OXR1: variants seen among roughly 807,000 people sequenced by gnomAD.
OXR1 encodes oxidation resistance protein 1.
Under a neutral mutation model 104.6 loss-of-function variants are expected in OXR1, and 41 were observed. The ratio of observed to expected loss-of-function variants is 0.39; its 90% CI spans 0.31 to 0.51. The LOEUF is 0.51. Among genes scored for constraint, OXR1 ranks in the 20% least tolerant of loss-of-function variants. OXR1 has a pLI of 0.77. For missense variants in OXR1, 955 were observed against 1,031.9 expected (o/e 0.93, Z 1.02); for synonymous variants, 348 against 348.4 (o/e 1.00, Z 0.01).
At chr8:106,487,828 G>A (rs1228604769) in intron 2 of OXR1, among the ~76,000 whole-genome samples, 2 of 151,542 alleles carry the variant, frequency 1.3e-5, no homozygotes, top group Non-Finnish European at 2.9e-5. Flanking sequence ...ATCATTGTTG[G>A]ACATTTGGGT....
intron 3 of OXR1, chr8:106,657,910 G>A: frequency 8.8e-6 from 11 of 1,246,832 alleles, no homozygotes; most frequent in Non-Finnish European, 1.0e-5. Flanking sequence ...TGGGCCGGTG[G>A]GCGCGCTAGT....
intron 2 of OXR1, among the ~76,000 whole-genome samples, chr8:106,373,220 C>T (rs1055230170): frequency 6.6e-6 from 1 of 152,220 alleles, no homozygotes; most frequent in Admixed American, 6.5e-5. Flanking sequence ...CTTGGTAGGA[C>T]CTGGAACCAA....
At chr8:106,697,165 C>T (rs1830122164) in intron 7 of OXR1, among the ~76,000 whole-genome samples, 1 of 152,096 alleles carries the variant, frequency 6.6e-6, no homozygotes, top group Non-Finnish European at 1.5e-5. Context: ...GGGACTGAGG[C>T]CCCTAAATTT....
At chr8:106,699,556 G>A (rs1381313613) in intron 7 of OXR1, among the ~76,000 whole-genome samples, 1 of 152,178 alleles carries the variant, frequency 6.6e-6, no homozygotes, top group Non-Finnish European at 1.5e-5. Flanking sequence ...TAAGTTTGGT[G>A]TGTGTATGCA....
chr8:106,477,036 C>T (rs1821845253), intron 2 of OXR1, among the ~76,000 whole-genome samples: 1 of 151,898 alleles, frequency 6.6e-6, no homozygotes, highest in Non-Finnish European at 1.5e-5. Context: ...TTCACTTATC[C>T]TGAAATGGTG....
intron 3 of OXR1, among the ~76,000 whole-genome samples, chr8:106,645,968 T>C (rs1824039909): frequency 6.6e-6 from 1 of 152,076 alleles, no homozygotes; most frequent in Non-Finnish European, 1.5e-5. Context: ...GTTATAGACT[T>C]TCCCCCAACA....
intron 2 of OXR1, among the ~76,000 whole-genome samples, chr8:106,427,797 A>G (rs184759369): frequency 6.6e-6 from 1 of 152,336 alleles, no homozygotes; most frequent in Non-Finnish European, 1.5e-5. Flanking sequence ...ATCTCAATGT[A>G]GAATAAACAG....
chr8:106,714,505 C>T (rs1311040106), intron 11 of OXR1, among the ~76,000 whole-genome samples: 1 of 151,970 alleles, frequency 6.6e-6, no homozygotes. Context: ...AGGAAATAAG[C>T]AGGTGCTAAT....
At chr8:106,597,684 A>G (rs1035625917) in intron 3 of OXR1, among the ~76,000 whole-genome samples, 1 of 152,156 alleles carries the variant, frequency 6.6e-6, no homozygotes, top group South Asian at 2.1e-4. Flanking sequence ...AATTATTTCC[A>G]TATTCTAGGT....
chr8:106,508,913 G>A (rs1812345674), intron 2 of OXR1, among the ~76,000 whole-genome samples: 1 of 152,172 alleles, frequency 6.6e-6, no homozygotes, highest in Non-Finnish European at 1.5e-5. Flanking sequence ...TAAGTTTGGA[G>A]TTGCCTTATG....
At chr8:106,516,259 T>C (rs1315093430) in intron 2 of OXR1, among the ~76,000 whole-genome samples, 1 of 152,178 alleles carries the variant, frequency 6.6e-6, no homozygotes, top group African/African-American at 2.4e-5. Context: ...GTCCCATATA[T>C]AGCAGTACAA....
At chr8:106,445,801 C>T (rs1340637440) in intron 2 of OXR1, among the ~76,000 whole-genome samples, 1 of 152,188 alleles carries the variant, frequency 6.6e-6, no homozygotes, top group Non-Finnish European at 1.5e-5. Context: ...ATCATATCTT[C>T]CTACTCCTCT....
At chr8:106,605,723 C>T (rs915832282) in intron 3 of OXR1, among the ~76,000 whole-genome samples, 1 of 151,608 alleles carries the variant, frequency 6.6e-6, no homozygotes, top group Non-Finnish European at 1.5e-5. Context: ...CACATGAACC[C>T]GGGAGGTGGA....
chr8:106,291,240 A>G (rs2130040554), intron 1 of OXR1, among the ~76,000 whole-genome samples: 1 of 152,280 alleles, frequency 6.6e-6, no homozygotes, highest in South Asian at 2.1e-4. Flanking sequence ...AATATTGAGA[A>G]CACATGAACC....
rs28924700 is a variant in OXR1 at position 106,750,412 on chromosome 8, G to A, written c.2487-394G>A. Among the ~76,000 whole-genome samples the A allele has an allele frequency of 1.5e-3, 219 of 144,178 alleles. 1 individual carries two copies. Among genetic ancestry groups the A allele is most frequent in the African/African-American group, 5.5e-3 (215 of 39,072 alleles). The allele number at this position is 144,178 out of a possible 152,430, so 94.6% of individuals were successfully genotyped here. A position where few individuals can be genotyped will look rare whatever the true frequency, so the allele number is the denominator to read the frequency against. On this transcript the variant is annotated intron_variant, in intron 16 of 16. Coordinates refer to ENST00000517566, the MANE Select transcript of OXR1 (RefSeq NM_001198533.2). ...GCAATCTTGGCTCATTGCAACCTCC[G>A]CCTCCTGGGTTCAAGTGCTTCTCCT...
At chr8:106,324,463 C>T (rs1408045255) in intron 1 of OXR1, among the ~76,000 whole-genome samples, 1 of 151,220 alleles carries the variant, frequency 6.6e-6, no homozygotes, top group Non-Finnish European at 1.5e-5. Context: ...CCCCCCTACA[C>T]GTGTTTACCT....
chr8:106,325,863 A>G (rs76120069), intron 1 of OXR1, among the ~76,000 whole-genome samples: 47,975 of 152,120 alleles, frequency 0.32, 10,103 homozygotes, highest in African/African-American at 0.6. Context: ...GTTTACTATA[A>G]GGTAAAATCC....
At chr8:106,666,486 A>G (rs1008102396) in intron 3 of OXR1, among the ~76,000 whole-genome samples, 1 of 152,206 alleles carries the variant, frequency 6.6e-6, no homozygotes, top group Non-Finnish European at 1.5e-5. Context: ...GCACAATAAG[A>G]CAGACTTTAT....
intron 3 of OXR1, among the ~76,000 whole-genome samples, chr8:106,570,784 A>G (rs1482846203): frequency 6.6e-6 from 1 of 152,182 alleles, no homozygotes; most frequent in African/African-American, 2.4e-5. Flanking sequence ...CTAAATAGCC[A>G]ACATTCTACT....
Sources: allele counts gnomAD v4.1 joint callset (sites outside exome capture counted in the v4.1 genomes callset), GRCh38; gene constraint gnomAD v4.1.1; transcripts MANE v1.5; gene names NCBI Gene and HGNC (gene_info 2026-07-23, HGNC 2026-07-21).